The following CPS1 variants were observed in gnomAD, a reference collection of about 807,000 sequenced individuals.
The protein encoded by CPS1 is carbamoyl-phosphate synthase 1, also known as carbamoyl-phosphate synthase [ammonia], mitochondrial.
CPS1 carries 109 observed loss-of-function variants against 174.6 expected under a neutral mutation model. The observed-to-expected ratio is 0.62, with a 90% confidence interval of 0.53 to 0.73. The LOEUF (loss-of-function observed/expected upper bound fraction) is 0.73, where lower values mean the gene tolerates loss of function less well. Among genes scored for constraint, CPS1 ranks in the 30% least tolerant of loss-of-function variants. The pLI, the probability that CPS1 is intolerant of heterozygous loss-of-function variation, is 0.00. For missense variants in CPS1, 1,689 were observed against 1,821.9 expected, an observed-to-expected ratio of 0.93 and a Z score of 1.33; for synonymous variants, 637 against 632.0, an observed-to-expected ratio of 1.01 and a Z score of -0.12.
chr2:210,630,096 A>C lies in CPS1; in HGVS notation c.2688-7606A>C, dbSNP rs57009885. ...TCAAAAAACAAAAAAACAAAACAAA[A>C]AAAAAAAACAAAACCATGAAAAAAC... On this transcript the variant is annotated intron_variant, in intron 21 of 37. Coordinates refer to ENST00000233072, the MANE Select transcript of CPS1 (RefSeq NM_001875.5). Among the ~76,000 whole-genome samples, 942 of 148,954 alleles carry C rather than the reference A, an allele frequency of 6.3e-3. 7 individuals carry two copies. Among genetic ancestry groups the C allele is most frequent in the African/African-American group, 0.021 (810 of 39,260 alleles).
At chr2:210,601,002 A>G (rs1698705938) in intron 15 of CPS1, among the ~76,000 whole-genome samples, 2 of 151,980 alleles carry the variant, frequency 1.3e-5, no homozygotes, top group Admixed American at 6.6e-5. Context: ...ACTAAGAACC[A>G]TACCAACTTG....
Position 210,647,960 on chromosome 2 carries a change from C to G in CPS1, c.3239C>G (p.Pro1080Arg). The change falls in exon 26 of 38, where the codon CCC (proline) becomes CGC (arginine). Residue 1080 changes from proline (P) to arginine (R), a missense_variant. Transcript: ENST00000233072. ...GGTGTCAAGATCATGGGCACAAGCC[C>G]CCTGCAGATCGACAGGGCTGAGGAT... ...KNGVKIMGTSPLQIDRAEDRS... is the reference protein window; with the variant it reads ...KNGVKIMGTSRLQIDRAEDRS... 3 of 1,614,042 alleles carry G rather than the reference C, an allele frequency of 1.9e-6. No homozygotes were observed. The highest frequency in any genetic ancestry group is 2.2e-5 in the East Asian group (1 of 44,874).
chr2:210,608,818 A>G (rs1431375935), intron 19 of CPS1, among the ~76,000 whole-genome samples: 5 of 151,944 alleles, frequency 3.3e-5, no homozygotes, highest in Admixed American at 2.6e-4. Context: ...GTGAGGCCAT[A>G]TATCTGGCTA....
chr2:210,526,306 A>T (rs182568611), intron 1 of CPS1, among the ~76,000 whole-genome samples: 3 of 151,714 alleles, frequency 2.0e-5, no homozygotes, highest in African/African-American at 7.3e-5. Context: ...GGGTGCAGCA[A>T]ACCACCATGG....
At chr2:210,674,529 G>A in intron 34 of CPS1, 1 of 189,720 alleles carries the variant, frequency 5.3e-6, no homozygotes, top group East Asian at 1.3e-4. Flanking sequence ...AGGCAAAACA[G>A]CTAGCCTGAC....
At chr2:210,500,328 A>G (rs1048067166) in intron 1 of CPS1, among the ~76,000 whole-genome samples, 8 of 152,148 alleles carry the variant, frequency 5.3e-5, no homozygotes, top group Non-Finnish European at 1.0e-4. Context: ...TGCCCTCCCA[A>G]CAGTCCCCCA....
chr2:210,635,477 A>G (rs980346100), intron 21 of CPS1, among the ~76,000 whole-genome samples: 2 of 152,226 alleles, frequency 1.3e-5, no homozygotes, highest in Admixed American at 1.3e-4. Context: ...TGTAATCTGC[A>G]CTGTCTGACA....
chr2:210,490,148 A>G (rs1351874964), intron 1 of CPS1, among the ~76,000 whole-genome samples: 2 of 152,176 alleles, frequency 1.3e-5, no homozygotes, highest in African/African-American at 4.8e-5. Flanking sequence ...TGATTCAACT[A>G]CTCTCAGCTT....
In CPS1 at chr2:210,677,047, C is replaced by G; in HGVS notation, c.4315C>G (p.Pro1439Ala). ...CAGCATTGACCTAGTGATTAACCTT[C>G]CCAACAACAACACTAAATTTGTCCA... ...DGSIDLVINL[P>A]NNNTKFVHDN... Residue 1439 changes from proline to alanine, a missense_variant, in exon 37 of 38, where the codon CCC becomes GCC. Physicochemically the swap from Pro to Ala is conservative, Grantham distance 27. Transcript: ENST00000233072. The G allele has an allele frequency of 1.2e-6, 2 of 1,613,678 alleles. No individual in the cohort carries two copies. The highest frequency in any genetic ancestry group is 1.7e-6 in the Non-Finnish European group (2 of 1,179,640).
At chr2:210,516,548 G>A (rs577420493) in intron 1 of CPS1, among the ~76,000 whole-genome samples, 7 of 151,794 alleles carry the variant, frequency 4.6e-5, no homozygotes, top group Non-Finnish European at 8.8e-5. Context: ...TTTCTAACAC[G>A]CATATCTGAT....
chr2:210,559,931 A>T (rs1298084742), intron 1 of CPS1, among the ~76,000 whole-genome samples: 1 of 152,180 alleles, frequency 6.6e-6, no homozygotes, highest in African/African-American at 2.4e-5. Flanking sequence ...GATATTTAAA[A>T]AAAAATTCCA....
rs772730335 is a variant in CPS1, at chr2:210,573,363, A to G, written c.192A>G (p.Pro64=). Residue 64 remains proline (P), a synonymous_variant, in exon 2 of 38, where the codon CCA becomes CCG. Coordinates refer to ENST00000233072, the MANE Select transcript of CPS1 (RefSeq NM_001875.5). ...TGAAAGGTTACTCCTTTGGCCATCCATCCTCTGTTGCTGGTGAAGTGGTTT... is the reference window on the plus strand; with the variant it reads ...TGAAAGGTTACTCCTTTGGCCATCCGTCCTCTGTTGCTGGTGAAGTGGTTT... ...TKMKGYSFGH[P]SSVAGEVVFN... The G allele has an allele frequency of 1.9e-6, 3 of 1,613,276 alleles. No homozygotes were observed. The highest frequency in any genetic ancestry group is 2.2e-5 in the South Asian group (2 of 91,070).
chr2:210,498,545 G>A (rs1277272215), intron 1 of CPS1, among the ~76,000 whole-genome samples: 1 of 152,132 alleles, frequency 6.6e-6, no homozygotes, highest in Non-Finnish European at 1.5e-5. Flanking sequence ...TCAGTTCCAG[G>A]AGCCTTTTGG....
intron 1 of CPS1, among the ~76,000 whole-genome samples, chr2:210,486,103 T>C (rs905393640): frequency 6.7e-5 from 7 of 103,916 alleles, no homozygotes; most frequent in East Asian, 3.3e-4. Flanking sequence ...CATATATATA[T>C]ACACACACAC....
At chr2:210,487,456 C>T (rs72932427) in intron 1 of CPS1, among the ~76,000 whole-genome samples, 31,142 of 152,102 alleles carry the variant, frequency 0.2, 3,723 homozygotes, top group Middle Eastern at 0.34. Context: ...GTGGCTTAGG[C>T]GGCTGTCTTG....
intron 13 of CPS1, among the ~76,000 whole-genome samples, chr2:210,597,039 G>A (rs541968013): frequency 6.6e-6 from 1 of 151,974 alleles, no homozygotes; most frequent in East Asian, 1.9e-4. Flanking sequence ...CTCATCATGT[G>A]TATGTATAGG....
chr2:210,618,997 G>A (rs1480137370), intron 21 of CPS1: 1 of 152,104 alleles, frequency 6.6e-6, no homozygotes, highest in Non-Finnish European at 1.5e-5. Context: ...GTCTTTAGCT[G>A]TAGGCCTAGG....
At chr2:210,640,864 C>T (rs1700200770) in intron 24 of CPS1, among the ~76,000 whole-genome samples, 1 of 152,136 alleles carries the variant, frequency 6.6e-6, no homozygotes, top group Non-Finnish European at 1.5e-5. Context: ...ATCTTTACCA[C>T]CTTAGTCATT....
At chr2:210,528,497 A>C (rs934479360) in intron 1 of CPS1, among the ~76,000 whole-genome samples, 2 of 151,902 alleles carry the variant, frequency 1.3e-5, no homozygotes, top group African/African-American at 4.8e-5. Flanking sequence ...CTTCTGGTTA[A>C]AAGTAATGGA....
Sources: gnomAD v4.1 joint callset for allele counts (sites outside exome capture counted in the v4.1 genomes callset) on GRCh38, gnomAD v4.1.1 for gene constraint, MANE v1.5 for transcripts, NCBI Gene and HGNC (gene_info 2026-07-23, HGNC 2026-07-21) for gene names.